ZBTB20: variants seen among roughly 807,000 people sequenced by gnomAD.
ZBTB20 encodes the protein zinc finger and BTB domain-containing protein 20.
In ZBTB20, 9 loss-of-function variants were observed where a neutral mutation model predicts 56.9. The ratio of observed to expected loss-of-function variants is 0.16; its 90% CI spans 0.10 to 0.28. ZBTB20 has a LOEUF of 0.28. Among genes scored for constraint, ZBTB20 ranks in the 10% least tolerant of loss-of-function variants. The probability of loss-of-function intolerance (pLI) is 1.00; values close to 1 mark genes in which losing one functional copy is unlikely to be tolerated. For missense variants in ZBTB20, 655 were observed against 1,003.0 expected (o/e 0.65, Z 4.69); for synonymous variants, 417 against 420.7 (o/e 0.99, Z 0.11).
At chr3:115,075,083 T>G (rs1345646468) in intron 1 of ZBTB20, among the ~76,000 whole-genome samples, 1 of 152,162 alleles carries the variant, frequency 6.6e-6, no homozygotes, top group Non-Finnish European at 1.5e-5. Context: ...GAATTAACAT[T>G]TATTGAAGCC....
chr3:114,931,369 A>G, intron 3 of ZBTB20: 1 of 241,082 alleles, frequency 4.1e-6, no homozygotes, highest in Non-Finnish European at 8.3e-6. Flanking sequence ...ACTCCCAGAA[A>G]ACCCTAAACC....
At chr3:114,537,462 C>T (rs1336188881) in intron 6 of ZBTB20, among the ~76,000 whole-genome samples, 5 of 152,028 alleles carry the variant, frequency 3.3e-5, no homozygotes, top group African/African-American at 4.8e-5. Flanking sequence ...GTTAGAATGG[C>T]GATCATTAAA....
intron 4 of ZBTB20, among the ~76,000 whole-genome samples, chr3:114,825,152 C>T (rs143874247): frequency 0.012 from 1,752 of 152,002 alleles, 15 homozygotes; most frequent in South Asian, 0.041. Flanking sequence ...CATATCTAAA[C>T]ATTGATTCTT....
chr3:114,440,094 C>CTT (rs200233937), intron 7 of ZBTB20, among the ~76,000 whole-genome samples: 8 of 147,364 alleles, frequency 5.4e-5, no homozygotes, highest in East Asian at 2.0e-4. Flanking sequence ...GAAGGTCTTA[C>CTT]TTTTTTTTTT....
At chr3:114,642,730 G>A (rs770968430) in intron 6 of ZBTB20, among the ~76,000 whole-genome samples, 38 of 152,086 alleles carry the variant, frequency 2.5e-4, no homozygotes, top group Admixed American at 1.4e-3. Flanking sequence ...CTACAACTCG[G>A]TGACCTTGGG....
intron 3 of ZBTB20, among the ~76,000 whole-genome samples, chr3:114,947,991 G>A (rs2076940624): frequency 6.9e-6 from 1 of 145,168 alleles, no homozygotes; most frequent in South Asian, 2.1e-4. Flanking sequence ...AAGAAAACCT[G>A]ACAAGAACAT....
intron 1 of ZBTB20, among the ~76,000 whole-genome samples, chr3:115,104,333 C>T (rs986078667): frequency 3.9e-5 from 6 of 152,174 alleles, no homozygotes; most frequent in Non-Finnish European, 8.8e-5. Flanking sequence ...CCAGCAATTG[C>T]AGTGGTTGGT....
At chr3:114,787,761 A>G (rs1284285633) in intron 5 of ZBTB20, among the ~76,000 whole-genome samples, 1 of 152,174 alleles carries the variant, frequency 6.6e-6, no homozygotes, top group Non-Finnish European at 1.5e-5. Flanking sequence ...AACTGATTAC[A>G]TATTGAATTA....
chr3:115,097,709 G>A (rs2108595184), intron 1 of ZBTB20, among the ~76,000 whole-genome samples: 1 of 152,294 alleles, frequency 6.6e-6, no homozygotes, highest in Middle Eastern at 3.4e-3. Flanking sequence ...CAGATATCAT[G>A]TGCTGATAGG....
At chr3:115,059,458 T>C (rs541682165) in intron 2 of ZBTB20, among the ~76,000 whole-genome samples, 9 of 152,298 alleles carry the variant, frequency 5.9e-5, no homozygotes, top group Non-Finnish European at 1.2e-4. Context: ...GTGTCTCCAC[T>C]TTGGCTGAAC....
chr3:114,375,735 A>G (rs1301143274), intron 10 of ZBTB20: 1 of 152,204 alleles, frequency 6.6e-6, no homozygotes. Context: ...TTCCTTCGAA[A>G]TATCCCTTAC....
At chr3:115,125,381 C>T (rs2084301734) in intron 1 of ZBTB20, among the ~76,000 whole-genome samples, 1 of 151,356 alleles carries the variant, frequency 6.6e-6, no homozygotes, top group East Asian at 1.9e-4. Flanking sequence ...CATACATACA[C>T]AATGGAATAC....
intron 4 of ZBTB20, among the ~76,000 whole-genome samples, chr3:114,842,670 A>G (rs2074434578): frequency 6.6e-6 from 1 of 152,206 alleles, no homozygotes; most frequent in Admixed American, 6.5e-5. Flanking sequence ...TAAGATCTAA[A>G]AAATGGTTGA....
intron 7 of ZBTB20, among the ~76,000 whole-genome samples, chr3:114,497,977 G>T (rs1423089592): frequency 6.6e-6 from 1 of 152,202 alleles, no homozygotes. Flanking sequence ...ACTGGCTGGG[G>T]TGACAGTAAG....
chr3:114,921,965 C>T (rs754852624), intron 3 of ZBTB20, among the ~76,000 whole-genome samples: 3 of 152,096 alleles, frequency 2.0e-5, no homozygotes, highest in African/African-American at 4.8e-5. Flanking sequence ...CAAAGTACCA[C>T]CAAACCAAAT....
rs1342137609 is a variant in ZBTB20, at chr3:115,070,055, T to C, written c.-507+1164A>G. ...TGATCTGCTATATAAAGTTTCATGT[T>C]TTCCTTCTTGCTTAAACTACACCAT... On this transcript the variant is annotated intron_variant, in intron 2 of 11. Transcript: ENST00000675478. 2.6e-5 allele frequency among the ~76,000 whole-genome samples: 4 copies of C among 152,266 alleles called. No homozygotes were observed. The East Asian group carries it at 7.7e-4, about 29-fold the overall frequency.
At chr3:115,011,836 A>T (rs1224026555) in intron 2 of ZBTB20, among the ~76,000 whole-genome samples, 2 of 151,904 alleles carry the variant, frequency 1.3e-5, no homozygotes, top group Non-Finnish European at 2.9e-5. Context: ...ACCGATAAAA[A>T]AAATAAATAC....
intron 6 of ZBTB20, among the ~76,000 whole-genome samples, chr3:114,505,919 A>G (rs778641972): frequency 6.6e-6 from 1 of 152,140 alleles, no homozygotes; most frequent in Non-Finnish European, 1.5e-5. Flanking sequence ...CATTTCATGC[A>G]TCTTGAATTT....
intron 6 of ZBTB20, among the ~76,000 whole-genome samples, chr3:114,627,355 G>A (rs1055974892): frequency 6.6e-6 from 1 of 152,070 alleles, no homozygotes; most frequent in African/African-American, 2.4e-5. Flanking sequence ...TCCAAATAAA[G>A]AAAATTATTT....
Sources: gnomAD v4.1 joint callset for allele counts (sites outside exome capture counted in the v4.1 genomes callset) on GRCh38, gnomAD v4.1.1 for gene constraint, MANE v1.5 for transcripts, NCBI Gene and HGNC (gene_info 2026-07-23, HGNC 2026-07-21) for gene names.